FANK1: variants seen among roughly 807,000 people sequenced by gnomAD.
The protein encoded by FANK1 is fibronectin type III and ankyrin repeat domains 1, also known as fibronectin type 3 and ankyrin repeat domains protein 1.
Under a neutral mutation model 45.3 loss-of-function variants are expected in FANK1, and 44 were observed. The observed-to-expected ratio is 0.97, with a 90% CI of 0.76 to 1.25. The LOEUF (loss-of-function observed/expected upper bound fraction) is 1.25, where lower values mean the gene tolerates loss of function less well. FANK1 is among the 50% of genes most tolerant of loss of function. FANK1 has a pLI of 0.00. For missense variants in FANK1, 391 were observed against 424.4 expected (o/e 0.92, Z 0.69); for synonymous variants, 149 against 152.5 (o/e 0.98, Z 0.17).
intron 1 of FANK1, among the ~76,000 whole-genome samples, chr10:125,929,736 T>G (rs1947623360): frequency 6.6e-6 from 1 of 152,086 alleles, no homozygotes. Flanking sequence ...AAGGAAGGAA[T>G]GAAGGGATTT....
At chr10:126,008,622 A>T in intron 8 of FANK1, 72 bp downstream of exon 8, 1 of 1,525,086 alleles carries the variant, frequency 6.6e-7, no homozygotes, top group Non-Finnish European at 8.8e-7. Flanking sequence ...GTAATTAGAC[A>T]ATTCTTGTGA....
intron 6 of FANK1, among the ~76,000 whole-genome samples, chr10:125,998,930 T>C (rs1007233561): frequency 9.2e-5 from 14 of 152,294 alleles, no homozygotes; most frequent in Admixed American, 2.0e-4. Context: ...CTTGGGCTTT[T>C]CCAGAGCAGA....
chr10:126,002,543 G>A (rs1003589130), intron 6 of FANK1, among the ~76,000 whole-genome samples: 2 of 152,098 alleles, frequency 1.3e-5, no homozygotes, highest in Admixed American at 6.5e-5. Context: ...GAGTTCTGGC[G>A]CCATCTCAGC....
chr10:125,949,803 G>A (rs985358113), intron 1 of FANK1, among the ~76,000 whole-genome samples: 4 of 149,552 alleles, frequency 2.7e-5, no homozygotes, highest in East Asian at 2.0e-4. Context: ...AGCCTGCATC[G>A]CCAAGTCAAT....
intron 1 of FANK1, among the ~76,000 whole-genome samples, chr10:125,977,857 G>A (rs1392380373): frequency 6.6e-6 from 1 of 152,070 alleles, no homozygotes; most frequent in African/African-American, 2.4e-5. Flanking sequence ...TGTAGATAAG[G>A]TACTCTTAGA....
chr10:125,962,908 A>G (rs1428282293), intron 1 of FANK1, among the ~76,000 whole-genome samples: 5 of 151,916 alleles, frequency 3.3e-5, no homozygotes, highest in African/African-American at 4.8e-5. Flanking sequence ...ATTTTCCCCT[A>G]TTATTAACAT....
intron 1 of FANK1, among the ~76,000 whole-genome samples, chr10:125,917,672 C>G (rs1269444623): frequency 4.6e-5 from 7 of 152,180 alleles, no homozygotes; most frequent in Admixed American, 4.6e-4. Flanking sequence ...GTTAATCTGT[C>G]TTTTGGTACA....
intron 6 of FANK1, chr10:126,004,518 C>G (rs1953029089): frequency 4.7e-6 from 1 of 212,584 alleles, no homozygotes; most frequent in African/African-American, 2.3e-5. Flanking sequence ...CAATCACACC[C>G]CATTACTCCT....
In FANK1 at chr10:125,951,668, C is replaced by T. The variant is rs567099964; in HGVS notation, c.14-28493C>T. Among the ~76,000 whole-genome samples the T allele has an allele frequency of 8.5e-5, 13 of 152,296 alleles. 1 individual carries two copies. In the South Asian group the frequency reaches 2.5e-3, roughly 29 times the overall value. The stretch of plus-strand genomic sequence containing the variant: ...AAACAGTTCTGCATACCATTTCAAC[C>T]ATCAGAGTTTTTAGTCTCCATTGTT... On this transcript the variant is annotated intron_variant, in intron 1 of 10. Transcript: ENST00000368693.
chr10:126,005,102 T>G, intron 7 of FANK1, 53 bp downstream of exon 7: 1 of 1,567,822 alleles, frequency 6.4e-7, no homozygotes. Context: ...TCTGAAATGC[T>G]GCTCCATGGG....
In FANK1 at chr10:125,950,992, A is replaced by G. The variant is rs535114533; in HGVS notation, c.14-29169A>G. Among the ~76,000 whole-genome samples the G allele has an allele frequency of 6.6e-4, 98 of 149,582 alleles. 2 individuals are homozygous for G. In the South Asian group the frequency reaches 0.021, roughly 31 times the overall value. On this transcript the variant is annotated intron_variant, in intron 1 of 10. Coordinates refer to ENST00000368693, the MANE Select transcript of FANK1 (RefSeq NM_145235.5). ...ATCATTCTCAGTAAACTATCGCAAG[A>G]ACAAAAAACCAAACACCGCATATTC...
chr10:125,965,210 T>C (rs1950142005), intron 1 of FANK1, among the ~76,000 whole-genome samples: 1 of 152,180 alleles, frequency 6.6e-6, no homozygotes, highest in Admixed American at 6.6e-5. Flanking sequence ...ATGTCATCAT[T>C]GTAATTGCAT....
At chr10:125,909,685 ACT>A (rs1491209485) in intron 1 of FANK1, among the ~76,000 whole-genome samples, 2 of 126,736 alleles carry the variant, frequency 1.6e-5, no homozygotes, top group African/African-American at 3.1e-5. Flanking sequence ...TGACCAATTA[ACT>A]TTTTTTTTTT....
chr10:125,906,757 A>G (rs981704909), intron 1 of FANK1, among the ~76,000 whole-genome samples: 2 of 152,024 alleles, frequency 1.3e-5, no homozygotes, highest in African/African-American at 4.8e-5. Context: ...TCCTTTTCCT[A>G]CTGATTTACC....
chr10:125,928,261 C>CTTTTTTTT lies in FANK1; in HGVS notation c.13+31617_13+31624dup, dbSNP rs34889746. 2.9e-5 allele frequency among the ~76,000 whole-genome samples: 4 copies of CTTTTTTTT among 137,722 alleles called. 2 individuals are homozygous for CTTTTTTTT. The highest frequency in any genetic ancestry group is 3.1e-5 in the Non-Finnish European group (2 of 65,400). 90.4% of individuals were successfully genotyped at this position (137,722 alleles called of 152,430 possible). A position where few individuals can be genotyped will look rare whatever the true frequency, so the allele number is the denominator to read the frequency against. Reference sequence around the variant, plus strand: ...TAAACAAGGGGTGGATTATTCGTGCCTTTTTTTTTTTTTTTTTTAAAGACC... The same window carrying CTTTTTTTT: ...TAAACAAGGGGTGGATTATTCGTGCCTTTTTTTTTTTTTTTTTTTTTTTTTTAAAGACC... On this transcript the variant is annotated intron_variant, in intron 1 of 10. Transcript: ENST00000368693.
At chr10:125,945,311 G>C (rs1051876008) in intron 1 of FANK1, among the ~76,000 whole-genome samples, 1 of 152,204 alleles carries the variant, frequency 6.6e-6, no homozygotes, top group African/African-American at 2.4e-5. Flanking sequence ...GCAGAAGACG[G>C]GTGATTTCTG....
chr10:125,932,417 C>T (rs932159241), intron 1 of FANK1, among the ~76,000 whole-genome samples: 1 of 151,966 alleles, frequency 6.6e-6, no homozygotes, highest in African/African-American at 2.4e-5. Context: ...GGTATTTTGC[C>T]CCCTTGGTTA....
rs1054165457 is a variant in FANK1 at position 125,943,968 on chromosome 10, C to T, written c.14-36193C>T. Among the ~76,000 whole-genome samples the T allele has an allele frequency of 3.3e-5, 5 of 152,240 alleles. No homozygotes were observed. The East Asian group carries it at 7.7e-4, about 23-fold the overall frequency. On this transcript the variant is annotated intron_variant, in intron 1 of 10. Coordinates refer to ENST00000368693, the MANE Select transcript of FANK1 (RefSeq NM_145235.5). ...TAATGTGAAAGCATTGTGGAATCTTCACGTCTTCTAAAAGTCACGTTTTTA... is the reference window on the plus strand; with the variant it reads ...TAATGTGAAAGCATTGTGGAATCTTTACGTCTTCTAAAAGTCACGTTTTTA...
intron 1 of FANK1, among the ~76,000 whole-genome samples, chr10:125,971,348 T>A (rs1021019716): frequency 2.6e-5 from 4 of 152,010 alleles, no homozygotes; most frequent in African/African-American, 7.2e-5. Context: ...ATGGGCTTTC[T>A]ATACCATCTT....
Sources: allele counts gnomAD v4.1 joint callset (sites outside exome capture counted in the v4.1 genomes callset), GRCh38; gene constraint gnomAD v4.1.1; transcripts MANE v1.5; gene names NCBI Gene and HGNC (gene_info 2026-07-23, HGNC 2026-07-21).